The following DLGAP2 variants were observed in gnomAD, a reference collection of about 807,000 sequenced individuals.
The protein encoded by DLGAP2 is DLG associated protein 2.
Under a neutral mutation model 100.3 loss-of-function variants are expected in DLGAP2, and 26 were observed. The observed-to-expected ratio is 0.26, with a 90% CI of 0.19 to 0.36. DLGAP2 has a LOEUF of 0.36. DLGAP2 is among the 10% of genes least tolerant of loss of function. The pLI is 1.00. For synonymous variants in DLGAP2, 886 were observed against 630.1 expected, an observed-to-expected ratio of 1.41 and a Z score of -6.08; for missense variants, 1,858 against 1,453.2, an observed-to-expected ratio of 1.28 and a Z score of -4.53.
chr8:751,647 C>G (rs112864508), intron 1 of DLGAP2, among the ~76,000 whole-genome samples: 1 of 151,706 alleles, frequency 6.6e-6, no homozygotes, highest in Admixed American at 6.6e-5. Flanking sequence ...TCATCTGACA[C>G]TTTATAGTAA....
intron 1 of DLGAP2, among the ~76,000 whole-genome samples, chr8:876,850 A>G (rs955895514): frequency 2.6e-5 from 4 of 152,178 alleles, no homozygotes; most frequent in Non-Finnish European, 5.9e-5. Flanking sequence ...TTTAGCTTGC[A>G]GAACATCTAT....
At chr8:1,042,777 ATGTGGGTGGTGGG>A (rs1563161105) in intron 2 of DLGAP2, among the ~76,000 whole-genome samples, 3 of 44,488 alleles carry the variant, frequency 6.7e-5, no homozygotes, top group Admixed American at 3.2e-4. Context: ...TGGGTGATGG[ATGTGGGTGGTGGG>A]TGTGGGTGGT....
At chr8:1,569,038 C>T (rs1424306472) in intron 6 of DLGAP2, among the ~76,000 whole-genome samples, 2 of 149,666 alleles carry the variant, frequency 1.3e-5, no homozygotes, top group Non-Finnish European at 3.0e-5. Context: ...ATCCACTCTG[C>T]CTGCAGCCCC....
chr8:1,248,625 G>C (rs1217831712), intron 2 of DLGAP2: 2 of 152,010 alleles, frequency 1.3e-5, no homozygotes, highest in Admixed American at 1.3e-4. Context: ...TCGGTGGCCG[G>C]GAAGACCTTT....
chr8:1,647,964 G>A (rs1394263075), intron 8 of DLGAP2, among the ~76,000 whole-genome samples: 1 of 152,078 alleles, frequency 6.6e-6, no homozygotes, highest in African/African-American at 2.4e-5. Context: ...CCCTCATCCT[G>A]CCCCCAGACA....
chr8:778,868 C>T (rs1821603672), intron 1 of DLGAP2, among the ~76,000 whole-genome samples: 1 of 152,260 alleles, frequency 6.6e-6, no homozygotes, highest in Non-Finnish European at 1.5e-5. Context: ...GTGGGCTCCA[C>T]CCAGTTCGAG....
chr8:1,248,330 G>C (rs62489188), intron 2 of DLGAP2, among the ~76,000 whole-genome samples: 6,608 of 9,614 alleles, frequency 0.69, 2,187 homozygotes, highest in Non-Finnish European at 0.73. Flanking sequence ...CGGTGGCCGG[G>C]AAGACCTTTG....
In DLGAP2 at chr8:1,708,294, A is replaced by C. The variant is rs1156717059; in HGVS notation, c.*6888A>C. 1 of 152,208 alleles carries C rather than the reference A, an allele frequency of 6.6e-6. No individual in the cohort carries two copies. The highest frequency in any genetic ancestry group is 2.4e-5 in the African/African-American group (1 of 41,448). The allele number at this position is 152,208 out of a possible 1,614,324, so 9.4% of individuals were successfully genotyped here. A position where few individuals can be genotyped will look rare whatever the true frequency, so the allele number is the denominator to read the frequency against. On this transcript the variant is annotated 3_prime_UTR_variant, in exon 15 of 15. Coordinates refer to ENST00000637795, the MANE Select transcript of DLGAP2 (RefSeq NM_001346810.2). ...ATCTCAGAAAAATTATATAGACCAA[A>C]GAGTTTTATCCGAAAAAAAATTACA...
At chr8:1,290,306 G>C (rs1295791918) in intron 3 of DLGAP2, among the ~76,000 whole-genome samples, 2 of 152,164 alleles carry the variant, frequency 1.3e-5, no homozygotes, top group Non-Finnish European at 2.9e-5. Flanking sequence ...ATTCCATCGA[G>C]TTGTCATTTA....
intron 1 of DLGAP2, among the ~76,000 whole-genome samples, chr8:859,742 AT>A (rs904301682): frequency 6.6e-5 from 10 of 151,994 alleles, no homozygotes; most frequent in Non-Finnish European, 1.2e-4. Context: ...CTGGCAGGTG[AT>A]TTTTCTCCAG....
chr8:1,437,934 C>T (rs113346238), intron 3 of DLGAP2, among the ~76,000 whole-genome samples: 11 of 151,702 alleles, frequency 7.3e-5, no homozygotes, highest in African/African-American at 2.4e-4. Flanking sequence ...TGCAGTGAAC[C>T]GAGATTGCAC....
chr8:1,442,336 G>T (rs1797858322), intron 3 of DLGAP2, among the ~76,000 whole-genome samples: 1 of 150,918 alleles, frequency 6.6e-6, no homozygotes, highest in Non-Finnish European at 1.5e-5. Context: ...CACTGGGGGA[G>T]ATGGATCCAG....
intron 2 of DLGAP2, among the ~76,000 whole-genome samples, chr8:1,200,360 G>C (rs778369078): frequency 6.6e-6 from 1 of 152,196 alleles, no homozygotes; most frequent in Admixed American, 6.5e-5. Context: ...TTCATCTTCA[G>C]AGCTTGTTAA....
At chr8:1,215,223 A>C (rs2116797621) in intron 2 of DLGAP2, among the ~76,000 whole-genome samples, 1 of 152,378 alleles carries the variant, frequency 6.6e-6, no homozygotes, top group East Asian at 1.9e-4. Flanking sequence ...TTGGGAATGA[A>C]GATAAAGAAT....
At chr8:1,173,067 T>A (rs1374775707) in intron 2 of DLGAP2, among the ~76,000 whole-genome samples, 2 of 152,178 alleles carry the variant, frequency 1.3e-5, no homozygotes, top group African/African-American at 2.4e-5. Flanking sequence ...TTGGTGTGGA[T>A]GTCCTTTCTG....
chr8:837,894 T>G (rs918223507), intron 1 of DLGAP2, among the ~76,000 whole-genome samples: 50 of 83,616 alleles, frequency 6.0e-4, no homozygotes, highest in Non-Finnish European at 1.4e-3. Flanking sequence ...TTGTTTTTTG[T>G]TTTTTTTTTT....
intron 3 of DLGAP2, among the ~76,000 whole-genome samples, chr8:1,273,901 C>G (rs1156774152): frequency 6.6e-6 from 1 of 152,098 alleles, no homozygotes; most frequent in Non-Finnish European, 1.5e-5. Flanking sequence ...TCATATATAG[C>G]CGGGAATCTG....
At chr8:873,623 T>C (rs1169366093) in intron 1 of DLGAP2, among the ~76,000 whole-genome samples, 2 of 152,212 alleles carry the variant, frequency 1.3e-5, no homozygotes, top group African/African-American at 2.4e-5. Context: ...GAGATATTCA[T>C]CTTTAGCCTT....
At chr8:1,573,943 T>TA (rs553255144) in intron 6 of DLGAP2, among the ~76,000 whole-genome samples, 15 of 152,252 alleles carry the variant, frequency 9.9e-5, no homozygotes, top group African/African-American at 3.1e-4. Context: ...GTAGGTAACT[T>TA]ACAAGTGTAA....
Sources: gnomAD v4.1 joint callset for allele counts (sites outside exome capture counted in the v4.1 genomes callset) on GRCh38, gnomAD v4.1.1 for gene constraint, MANE v1.5 for transcripts, NCBI Gene and HGNC (gene_info 2026-07-23, HGNC 2026-07-21) for gene names.